FIGLA: variants seen among roughly 807,000 people sequenced by gnomAD.
The protein encoded by FIGLA is factor in the germline alpha.
In FIGLA, 17 loss-of-function variants were observed where a neutral mutation model predicts 21.5. The ratio of observed to expected loss-of-function variants is 0.79; its 90% CI spans 0.54 to 1.19. The LOEUF is 1.19. FIGLA is among the 50% of genes most tolerant of loss of function. The probability of loss-of-function intolerance (pLI) is 0.00; values close to 1 mark genes in which losing one functional copy is unlikely to be tolerated. For missense variants in FIGLA, 282 were observed against 285.0 expected (o/e 0.99, Z 0.08); for synonymous variants, 129 against 117.6 (o/e 1.10, Z -0.63).
At chr2:70,789,173 T>C (rs200705593) in intron 1 of FIGLA, among the ~76,000 whole-genome samples, 1 of 148,530 alleles carries the variant, frequency 6.7e-6, no homozygotes, top group African/African-American at 2.5e-5. Context: ...TATATATATA[T>C]GAATACACAA....
intron 2 of FIGLA, 58 bp from the exon 3 acceptor site, chr2:70,785,697 T>C (rs1293078771): frequency 3.6e-5 from 47 of 1,301,846 alleles, no homozygotes; most frequent in Non-Finnish European, 5.0e-5. Flanking sequence ...TTTGATGACT[T>C]AAACTAATAT....
At chr2:70,784,795 C>G (rs1553389613) in intron 3 of FIGLA, among the ~76,000 whole-genome samples, 2 of 152,088 alleles carry the variant, frequency 1.3e-5, no homozygotes, top group Non-Finnish European at 2.9e-5. Context: ...AATACCAGTT[C>G]ACAGCAAGGG....
intron 2 of FIGLA, among the ~76,000 whole-genome samples, chr2:70,787,199 G>C (rs1389945538): frequency 6.6e-6 from 1 of 152,196 alleles, no homozygotes; most frequent in African/African-American, 2.4e-5. Flanking sequence ...GTTGGCCTTA[G>C]GGAGGGTCTC....
intron 2 of FIGLA, among the ~76,000 whole-genome samples, chr2:70,786,132 T>C (rs1019873674): frequency 1.3e-5 from 2 of 152,154 alleles, no homozygotes; most frequent in African/African-American, 4.8e-5. Flanking sequence ...TCTAGGATAA[T>C]TGTTTCTTTT....
At chr2:70,777,836 A>G (rs1339543561) in intron 3 of FIGLA, among the ~76,000 whole-genome samples, 165 bp from the exon 4 acceptor site, 2 of 152,204 alleles carry the variant, frequency 1.3e-5, no homozygotes, top group African/African-American at 4.8e-5. Flanking sequence ...CAGGCACACA[A>G]TGTTATGTAC....
At chr2:70,779,965 C>T (rs920577638) in intron 3 of FIGLA, among the ~76,000 whole-genome samples, 10 of 152,210 alleles carry the variant, frequency 6.6e-5, no homozygotes, top group African/African-American at 2.4e-4. Flanking sequence ...CAAAAACCTA[C>T]ACTTTGAAGC....
intron 1 of FIGLA, among the ~76,000 whole-genome samples, chr2:70,789,030 C>T (rs1676007932): frequency 6.6e-6 from 1 of 152,136 alleles, no homozygotes; most frequent in South Asian, 2.1e-4. Flanking sequence ...CATTATGGTC[C>T]ATTTTTGGAC....
At position 70,777,343 on chromosome 2, in the gene FIGLA, G is replaced by A. The variant is rs1368850266; in HGVS notation, c.*24C>T. The A allele has an allele frequency of 1.4e-6, 2 of 1,461,612 alleles. No homozygotes were observed. The highest frequency in any genetic ancestry group is 1.4e-5 in the African/African-American group (1 of 69,826). The allele number at this position is 1,461,612 out of a possible 1,614,324, so 90.5% of individuals were successfully genotyped here. A position where few individuals can be genotyped will look rare whatever the true frequency, so the allele number is the denominator to read the frequency against. Reference sequence around the variant, plus strand: ...AGACTGCATTTATTTGTCTCTAGAAGGTAACCCTGGGCCTTTTCATTTTTC... The same window carrying A: ...AGACTGCATTTATTTGTCTCTAGAAAGTAACCCTGGGCCTTTTCATTTTTC... On this transcript the variant is annotated 3_prime_UTR_variant, in exon 5 of 5. Transcript: ENST00000332372.
chr2:70,777,609 C>G (rs1553388499), intron 4 of FIGLA, 28 bp downstream of exon 4: 1 of 1,599,506 alleles, frequency 6.3e-7, no homozygotes, highest in Non-Finnish European at 8.5e-7. Context: ...TAAATTGGCA[C>G]TATGCATCAG....
intron 3 of FIGLA, among the ~76,000 whole-genome samples, chr2:70,781,029 G>T (rs782463137): frequency 2.0e-5 from 3 of 152,198 alleles, no homozygotes; most frequent in Non-Finnish European, 4.4e-5. Context: ...CCATGGAAAG[G>T]GGCAGTTCAG....
Position 70,779,361 on chromosome 2 carries a change from C to G in FIGLA, c.610-1690G>C, listed in dbSNP as rs1311683079. Among the ~76,000 whole-genome samples the G allele has an allele frequency of 2.0e-5, 3 of 152,120 alleles. No homozygotes were observed. The East Asian group carries it at 5.8e-4, about 29-fold the overall frequency. On this transcript the variant is annotated intron_variant, in intron 3 of 4. Transcript: ENST00000332372. Reference sequence around the variant, plus strand: ...AGATGACTGTGCTTCTCAAGCAAAGCGAGACCCATCACTTACTGTGGTAGA... The same window carrying G: ...AGATGACTGTGCTTCTCAAGCAAAGGGAGACCCATCACTTACTGTGGTAGA...
chr2:70,788,970 C>A (rs1209094061), intron 1 of FIGLA, among the ~76,000 whole-genome samples: 1 of 152,044 alleles, frequency 6.6e-6, no homozygotes, highest in Non-Finnish European at 1.5e-5. Context: ...CGATAGGTAC[C>A]GGTAAAAAGC....
chr2:70,787,012 T>C (rs1394212660), intron 2 of FIGLA, among the ~76,000 whole-genome samples: 1 of 152,150 alleles, frequency 6.6e-6, no homozygotes, highest in Non-Finnish European at 1.5e-5. Context: ...CTGGAACAAG[T>C]CCATAAAACC....
intron 3 of FIGLA, among the ~76,000 whole-genome samples, chr2:70,780,021 T>C (rs1675826401): frequency 6.6e-6 from 1 of 152,168 alleles, no homozygotes; most frequent in African/African-American, 2.4e-5. Context: ...TTAATTTTTC[T>C]CCCTACCAAC....
chr2:70,790,164 A>C (rs1192360049), intron 1 of FIGLA, among the ~76,000 whole-genome samples: 1 of 152,174 alleles, frequency 6.6e-6, no homozygotes, highest in African/African-American at 2.4e-5. Context: ...CGGGTCCTGC[A>C]CAAATCCTGG....
At chr2:70,778,217 A>G (rs1553388619) in intron 3 of FIGLA, among the ~76,000 whole-genome samples, 3 of 151,926 alleles carry the variant, frequency 2.0e-5, no homozygotes, top group African/African-American at 7.3e-5. Flanking sequence ...ATCCCCCCCA[A>G]CCCCAACACT....
At chr2:70,781,788 G>A (rs1675861143) in intron 3 of FIGLA, among the ~76,000 whole-genome samples, 1 of 152,196 alleles carries the variant, frequency 6.6e-6, no homozygotes. Context: ...GAAGAATGGA[G>A]GGTTGGGAGC....
intron 3 of FIGLA, among the ~76,000 whole-genome samples, chr2:70,781,469 T>C (rs1007731612): frequency 2.0e-5 from 3 of 152,162 alleles, no homozygotes; most frequent in Admixed American, 6.5e-5. Flanking sequence ...AATGATAGTA[T>C]ATAATAATCC....
chr2:70,788,407 A>C (rs1374597253), intron 1 of FIGLA, among the ~76,000 whole-genome samples: 1 of 152,220 alleles, frequency 6.6e-6, no homozygotes, highest in Non-Finnish European at 1.5e-5. Flanking sequence ...AATGATATAG[A>C]GGCAAGGGTG....
Sources: gnomAD v4.1 joint callset for allele counts (sites outside exome capture counted in the v4.1 genomes callset) on GRCh38, gnomAD v4.1.1 for gene constraint, MANE v1.5 for transcripts, NCBI Gene and HGNC (gene_info 2026-07-23, HGNC 2026-07-21) for gene names.